Variants in EPHA6 observed in about 807,000 individuals in gnomAD.
EPHA6 encodes the protein ephrin type-A receptor 6.
Under a neutral mutation model 112.0 loss-of-function variants are expected in EPHA6, and 50 were observed. The ratio of observed to expected loss-of-function variants is 0.45; its 90% CI spans 0.36 to 0.56. The LOEUF is 0.56. Among genes scored for constraint, EPHA6 ranks in the 20% least tolerant of loss-of-function variants. EPHA6 has a pLI of 0.00. For missense variants in EPHA6, 1,280 were observed against 1,417.4 expected (o/e 0.90, Z 1.56); for synonymous variants, 529 against 490.7 (o/e 1.08, Z -1.03).
intron 11 of EPHA6, among the ~76,000 whole-genome samples, chr3:97,587,751 T>A (rs1178075992): frequency 6.6e-6 from 1 of 152,182 alleles, no homozygotes; most frequent in East Asian, 1.9e-4. Flanking sequence ...GAAATTGATT[T>A]TCCATATTCT....
intron 10 of EPHA6, among the ~76,000 whole-genome samples, chr3:97,495,339 T>C (rs1002050305): frequency 6.6e-6 from 1 of 151,100 alleles, no homozygotes; most frequent in African/African-American, 2.4e-5. Context: ...ATGTTGAAAA[T>C]GGTCTAGATA....
At chr3:96,822,902 C>T (rs1290913527) in intron 1 of EPHA6, among the ~76,000 whole-genome samples, 1 of 151,080 alleles carries the variant, frequency 6.6e-6, no homozygotes, top group Non-Finnish European at 1.5e-5. Flanking sequence ...AAAAAAGATC[C>T]ATAACTTTTT....
chr3:97,722,080 C>A (rs1203142247), intron 15 of EPHA6, among the ~76,000 whole-genome samples: 1 of 152,158 alleles, frequency 6.6e-6, no homozygotes, highest in Non-Finnish European at 1.5e-5. Context: ...ATAGTCTTCA[C>A]TGCACAGAAG....
chr3:97,503,319 T>C (rs545345252), intron 10 of EPHA6, among the ~76,000 whole-genome samples: 4 of 152,306 alleles, frequency 2.6e-5, no homozygotes, highest in African/African-American at 7.2e-5. Flanking sequence ...AACAGATAAA[T>C]CCAATTTTAC....
At chr3:96,922,975 CT>C (rs1198319563) in intron 2 of EPHA6, among the ~76,000 whole-genome samples, 6 of 152,126 alleles carry the variant, frequency 3.9e-5, no homozygotes, top group African/African-American at 1.2e-4. Context: ...TGATTTCATT[CT>C]TTTTTATGGC....
intron 16 of EPHA6, among the ~76,000 whole-genome samples, chr3:97,737,934 C>A (rs765014693): frequency 6.4e-4 from 98 of 152,176 alleles, no homozygotes; most frequent in Admixed American, 2.2e-3. Flanking sequence ...AGAGCAGTAT[C>A]ATAGAAGCCA....
intron 7 of EPHA6, among the ~76,000 whole-genome samples, chr3:97,449,318 A>G (rs183308228): frequency 1.8e-4 from 27 of 152,194 alleles, no homozygotes; most frequent in Non-Finnish European, 4.4e-5. Flanking sequence ...AGCTTTACCA[A>G]TGAACTCTTT....
intron 3 of EPHA6, among the ~76,000 whole-genome samples, chr3:97,079,691 C>G (rs1244454689): frequency 6.6e-6 from 1 of 150,410 alleles, no homozygotes; most frequent in Admixed American, 6.6e-5. Flanking sequence ...AAAATGCTGT[C>G]AAATAACATT....
chr3:97,715,194 C>T (rs2034159693), intron 14 of EPHA6, among the ~76,000 whole-genome samples: 1 of 152,130 alleles, frequency 6.6e-6, no homozygotes, highest in Non-Finnish European at 1.5e-5. Flanking sequence ...TGGCCTATCT[C>T]TTTACAATTT....
At chr3:97,202,947 T>C (rs748529930) in intron 3 of EPHA6, among the ~76,000 whole-genome samples, 12 of 152,066 alleles carry the variant, frequency 7.9e-5, no homozygotes, top group Non-Finnish European at 1.2e-4. Context: ...TGGATATCTT[T>C]GGGGTAATCC....
chr3:97,004,311 T>C (rs1359952330), intron 3 of EPHA6, among the ~76,000 whole-genome samples: 4 of 152,186 alleles, frequency 2.6e-5, no homozygotes, highest in Non-Finnish European at 4.4e-5. Context: ...AACTATTGTT[T>C]CTTGACTTTT....
At chr3:96,937,542 C>A (rs1383532063) in intron 2 of EPHA6, among the ~76,000 whole-genome samples, 1 of 151,938 alleles carries the variant, frequency 6.6e-6, no homozygotes, top group Non-Finnish European at 1.5e-5. Flanking sequence ...AAAATTTTCT[C>A]CTATTTTGTA....
At chr3:97,626,540 CT>C (rs2093858547) in intron 13 of EPHA6, among the ~76,000 whole-genome samples, 1 of 151,440 alleles carries the variant, frequency 6.6e-6, no homozygotes, top group Non-Finnish European at 1.5e-5. Context: ...TGAGTCCATG[CT>C]AGATAAAGAA....
intron 10 of EPHA6, among the ~76,000 whole-genome samples, chr3:97,501,128 A>G (rs184522944): frequency 3.2e-4 from 48 of 152,324 alleles, no homozygotes; most frequent in Admixed American, 2.0e-3. Flanking sequence ...TGGTCACAGT[A>G]CAACCAGAAA....
chr3:97,229,014 A>G (rs1268600547), intron 4 of EPHA6, among the ~76,000 whole-genome samples: 2 of 152,080 alleles, frequency 1.3e-5, no homozygotes, highest in Non-Finnish European at 2.9e-5. Flanking sequence ...CAGTTTGTGT[A>G]TCTTCTTTTG....
chr3:97,280,271 A>T (rs1301929008), intron 5 of EPHA6, among the ~76,000 whole-genome samples: 2 of 152,240 alleles, frequency 1.3e-5, no homozygotes, highest in Non-Finnish European at 2.9e-5. Context: ...TAAAGTAAGG[A>T]TTGATAATAG....
chr3:97,691,950 A>C (rs2107710211), intron 14 of EPHA6, among the ~76,000 whole-genome samples: 1 of 152,336 alleles, frequency 6.6e-6, no homozygotes, highest in South Asian at 2.1e-4. Flanking sequence ...TCATGAAAGG[A>C]TTCACAAAAC....
At chr3:97,240,659 T>C (rs1351339874) in intron 4 of EPHA6, among the ~76,000 whole-genome samples, 4 of 151,852 alleles carry the variant, frequency 2.6e-5, no homozygotes, top group Non-Finnish European at 5.9e-5. Context: ...ATGCGACAAC[T>C]GAAATATGGC....
In EPHA6 at chr3:97,653,708, T is replaced by C. The variant is rs561176512; in HGVS notation, c.2784+15626T>C. On this transcript the variant is annotated intron_variant, in intron 14 of 17. Coordinates refer to ENST00000389672, the MANE Select transcript of EPHA6 (RefSeq NM_001080448.3). Reference sequence around the variant, plus strand: ...CTTGAAGAGATTCTGCACTCCTGTGTGTGCTGCATCATTATTCAAAATAGC... The same window carrying C: ...CTTGAAGAGATTCTGCACTCCTGTGCGTGCTGCATCATTATTCAAAATAGC... Among the ~76,000 whole-genome samples the C allele has an allele frequency of 6.6e-5, 10 of 152,072 alleles. No individual in the cohort carries two copies. In the South Asian group the frequency reaches 2.1e-3, roughly 32 times the overall value.
Sources: allele counts gnomAD v4.1 joint callset (sites outside exome capture counted in the v4.1 genomes callset), GRCh38; gene constraint gnomAD v4.1.1; transcripts MANE v1.5; gene names NCBI Gene and HGNC (gene_info 2026-07-23, HGNC 2026-07-21).